Variants in TAFA1 observed in about 807,000 individuals in gnomAD.
The protein encoded by TAFA1 is chemokine-like protein TAFA-1.
In TAFA1, 4 loss-of-function variants were observed where a neutral mutation model predicts 18.5. The observed-to-expected ratio is 0.22, with a 90% CI of 0.11 to 0.49. TAFA1 has a LOEUF of 0.49. Ranked by LOEUF, TAFA1 falls within the 20% of genes least tolerant of loss-of-function variation. TAFA1 has a pLI of 0.98. For synonymous variants in TAFA1, 56 were observed against 55.2 expected, an observed-to-expected ratio of 1.01 and a Z score of -0.06; for missense variants, 147 against 169.0, an observed-to-expected ratio of 0.87 and a Z score of 0.72.
At chr3:68,404,577 A>G (rs2070561628) in intron 2 of TAFA1, among the ~76,000 whole-genome samples, 1 of 152,088 alleles carries the variant, frequency 6.6e-6, no homozygotes, top group South Asian at 2.1e-4. Flanking sequence ...AAGTGGGCAG[A>G]TCATGAGGTC....
chr3:68,071,735 G>T (rs2064757760), intron 2 of TAFA1, among the ~76,000 whole-genome samples: 1 of 152,190 alleles, frequency 6.6e-6, no homozygotes, highest in Non-Finnish European at 1.5e-5. Flanking sequence ...TGGTTCTGCA[G>T]ACTTTACAGG....
chr3:68,298,256 T>C (rs544497116), intron 2 of TAFA1, among the ~76,000 whole-genome samples: 3 of 152,276 alleles, frequency 2.0e-5, no homozygotes, highest in Non-Finnish European at 2.9e-5. Flanking sequence ...TTGCAGGAGT[T>C]TGAACTAGGG....
intron 2 of TAFA1, among the ~76,000 whole-genome samples, chr3:68,234,145 G>C (rs6771783): frequency 4.6e-5 from 7 of 151,978 alleles, no homozygotes; most frequent in African/African-American, 1.7e-4. Context: ...ATCAGCTGGG[G>C]TGGTGATTGC....
chr3:68,143,256 C>T (rs2065692751), intron 2 of TAFA1, among the ~76,000 whole-genome samples: 3 of 152,152 alleles, frequency 2.0e-5, no homozygotes, highest in Admixed American at 2.0e-4. Context: ...TTTCTACCCT[C>T]ATGGCACTTA....
chr3:68,073,826 T>C (rs989416027), intron 2 of TAFA1, among the ~76,000 whole-genome samples: 2 of 152,072 alleles, frequency 1.3e-5, no homozygotes, highest in Non-Finnish European at 2.9e-5. Flanking sequence ...ATGTATTTAG[T>C]GAGTGCTTAG....
intron 2 of TAFA1, among the ~76,000 whole-genome samples, chr3:68,331,333 G>A (rs2068864978): frequency 6.6e-6 from 1 of 152,028 alleles, no homozygotes; most frequent in Non-Finnish European, 1.5e-5. Context: ...TCTCCTTTTG[G>A]CCTGAAGAAA....
At chr3:68,099,574 G>A (rs1326284921) in intron 2 of TAFA1, among the ~76,000 whole-genome samples, 1 of 152,018 alleles carries the variant, frequency 6.6e-6, no homozygotes, top group Non-Finnish European at 1.5e-5. Flanking sequence ...CAGCCACAGT[G>A]GAATGCTGTT....
intron 2 of TAFA1, among the ~76,000 whole-genome samples, chr3:68,020,324 G>A (rs969655095): frequency 2.6e-5 from 4 of 151,848 alleles, no homozygotes; most frequent in African/African-American, 9.7e-5. Flanking sequence ...TAGGCCAACC[G>A]GGAGTTTACA....
intron 2 of TAFA1, among the ~76,000 whole-genome samples, chr3:68,325,193 C>A (rs1385115517): frequency 1.3e-5 from 2 of 152,126 alleles, no homozygotes; most frequent in East Asian, 3.9e-4. Context: ...AGTTGTGTGA[C>A]CCTAGAAGAA....
intron 2 of TAFA1, among the ~76,000 whole-genome samples, chr3:68,362,999 TA>T (rs2069498718): frequency 6.7e-6 from 1 of 149,380 alleles, no homozygotes. Context: ...TTTTTTTTTT[TA>T]AATACAGTTT....
At chr3:68,177,590 C>A (rs2066141786) in intron 2 of TAFA1, among the ~76,000 whole-genome samples, 1 of 152,056 alleles carries the variant, frequency 6.6e-6, no homozygotes, top group African/African-American at 2.4e-5. Context: ...TAGTTTTAGG[C>A]AGTTATCTAA....
chr3:68,226,167 G>A (rs532579865), intron 2 of TAFA1, among the ~76,000 whole-genome samples: 1 of 152,294 alleles, frequency 6.6e-6, no homozygotes, highest in Non-Finnish European at 1.5e-5. Flanking sequence ...GTTCCTTAGA[G>A]CTTGATCAGA....
At chr3:68,249,679 C>A (rs2067156166) in intron 2 of TAFA1, among the ~76,000 whole-genome samples, 1 of 152,022 alleles carries the variant, frequency 6.6e-6, no homozygotes, top group South Asian at 2.1e-4. Context: ...GCAAGTCGCA[C>A]CAAGAAAGAA....
chr3:68,483,780 G>A (rs985130117), intron 3 of TAFA1, among the ~76,000 whole-genome samples: 8 of 152,192 alleles, frequency 5.3e-5, no homozygotes, highest in African/African-American at 1.9e-4. Context: ...GACTTTAAGA[G>A]GATAATGCCT....
At chr3:68,178,707 A>G (rs995264610) in intron 2 of TAFA1, among the ~76,000 whole-genome samples, 5 of 152,228 alleles carry the variant, frequency 3.3e-5, no homozygotes, top group African/African-American at 1.2e-4. Flanking sequence ...ACCACAAGGA[A>G]GGTAAGGTAG....
At chr3:68,011,235 A>G (rs1575572456) in intron 2 of TAFA1, among the ~76,000 whole-genome samples, 1 of 152,246 alleles carries the variant, frequency 6.6e-6, no homozygotes, top group Middle Eastern at 3.4e-3. Context: ...ATTTTAAATT[A>G]TATAGATAAA....
chr3:68,538,728 A>G (rs985507519), intron 3 of TAFA1, 28 bp from the exon 4 acceptor site: 2 of 1,611,638 alleles, frequency 1.2e-6, no homozygotes, highest in Non-Finnish European at 8.5e-7. Context: ...ATGAATTGCA[A>G]ACACAGTTGT....
chr3:68,506,905 T>C (rs909852373), intron 3 of TAFA1, among the ~76,000 whole-genome samples: 2 of 152,026 alleles, frequency 1.3e-5, no homozygotes, highest in South Asian at 2.1e-4. Flanking sequence ...TGTATGGCAA[T>C]AGAATATTCT....
chr3:68,506,078 C>T (rs1386037014), intron 3 of TAFA1, among the ~76,000 whole-genome samples: 2 of 151,910 alleles, frequency 1.3e-5, no homozygotes, highest in African/African-American at 4.8e-5. Flanking sequence ...CATGATGTTC[C>T]CCCCTCTGTG....
Sources: gnomAD v4.1 joint callset for allele counts (sites outside exome capture counted in the v4.1 genomes callset) on GRCh38, gnomAD v4.1.1 for gene constraint, MANE v1.5 for transcripts, NCBI Gene and HGNC (gene_info 2026-07-23, HGNC 2026-07-21) for gene names.